Variants in AURKC observed in about 807,000 individuals in gnomAD.
AURKC encodes the protein ARK-3.
AURKC carries 15 observed loss-of-function variants against 29.2 expected under a neutral mutation model. The ratio of observed to expected loss-of-function variants is 0.51; its 90% CI spans 0.34 to 0.79. The LOEUF (loss-of-function observed/expected upper bound fraction) is 0.79. Among genes scored for constraint, AURKC ranks in the 30% least tolerant of loss-of-function variants. The probability of loss-of-function intolerance (pLI) is 0.01; values close to 1 mark genes in which losing one functional copy is unlikely to be tolerated. For missense variants in AURKC, 332 were observed against 383.2 expected, an observed-to-expected ratio of 0.87 and a Z score of 1.12; for synonymous variants, 150 against 149.9, an observed-to-expected ratio of 1.00 and a Z score of -0.01.
At position 57,231,204 on chromosome 19, in the gene AURKC, T is replaced by G. The variant is rs1004285802; in HGVS notation, c.-45T>G. On this transcript the variant is annotated 5_prime_UTR_variant, in exon 1 of 7. Transcript: ENST00000302804. ...AGGACCCTGTGAACGGGAACAGCCA[T>G]CCAGAGGGTTCAGGAAGGCGTCCGC... is the stretch of plus-strand genomic sequence containing the variant. The G allele has an allele frequency of 1.6e-5, 25 of 1,551,046 alleles. No individual in the cohort carries two copies. The African/African-American group carries it at 2.7e-4, about 17-fold the overall frequency.
Position 57,234,864 on chromosome 19 carries a change from C to G in AURKC, c.585-20C>G. ...CTGGGCCTCTGCTTAGTACTTATTC[C>G]CTTTTCTGCCTTCCTCTAGGAGGAA... On this transcript the variant is annotated intron_variant, in intron 5 of 6. Transcript: ENST00000302804. 1.2e-6 allele frequency: 2 copies of G among 1,614,074 alleles called. No individual in the cohort carries two copies. Among genetic ancestry groups the G allele is most frequent in the East Asian group, 4.5e-5 (2 of 44,886 alleles).
Position 57,232,468 on chromosome 19 carries a change from G to A in AURKC, c.297-74G>A. ...TCCCAGCATAATTTGCCACTTGTGT[G>A]ACCAGGCAGTGACGGTGGCATCATA... On this transcript the variant is annotated intron_variant, in intron 3 of 6. Transcript: ENST00000302804. This position sits in a 1 kb window ranked among gnomAD's most constrained non-coding sequence, Gnocchi z 4.5. The A allele has an allele frequency of 6.2e-7, 1 of 1,608,384 alleles. No individual in the cohort carries two copies. The highest frequency in any genetic ancestry group is 8.5e-7 in the Non-Finnish European group (1 of 1,176,634).
rs1474309579 is a variant in AURKC, at chr19:57,231,155, A to G, written c.-94A>G. On this transcript the variant is annotated 5_prime_UTR_variant, in exon 1 of 7. Coordinates refer to ENST00000302804, the MANE Select transcript of AURKC (RefSeq NM_001015878.2). ...GAGCAGGATTGGAAGCGCCCCGGCC[A>G]GAAAGTGACCCCCCACCCCTTTCAG... 18 of 1,519,024 alleles carry G rather than the reference A, an allele frequency of 1.2e-5. No homozygotes were observed. The highest frequency in any genetic ancestry group is 1.5e-5 in the Non-Finnish European group (17 of 1,119,054). The allele number at this position is 1,519,024 out of a possible 1,614,324, so 94.1% of individuals were successfully genotyped here.
At chr19:57,231,662 G>A in intron 1 of AURKC, 80 bp from the exon 2 acceptor site, 1 of 1,508,392 alleles carries the variant, frequency 6.6e-7, no homozygotes. Context: ...CTTCTCTACT[G>A]TTCTCCTCTC....
chr19:57,231,058 A>C lies in AURKC; in HGVS notation c.-191A>C. On this transcript the variant is annotated 5_prime_UTR_variant, in exon 1 of 7. Coordinates refer to ENST00000302804, the MANE Select transcript of AURKC (RefSeq NM_001015878.2). ...TGCCGGGTATAAAAGAAGGCCGCGC[A>C]GCCACGGCTGCTCACGACGCCGCGG... 1 of 1,368,970 alleles carries C rather than the reference A, an allele frequency of 7.3e-7. No homozygotes were observed. Among genetic ancestry groups the C allele is most frequent in the East Asian group, 2.5e-5 (1 of 40,304 alleles). The allele number at this position is 1,368,970 out of a possible 1,614,324, so 84.8% of individuals were successfully genotyped here.
rs767043812 is a variant in AURKC at position 57,232,024 on chromosome 19, T to TC, written c.105-7dup. 2 of 1,613,910 alleles carry TC rather than the reference T, an allele frequency of 1.2e-6. No individual in the cohort carries two copies. Among genetic ancestry groups the TC allele is most frequent in the African/African-American group, 2.7e-5 (2 of 74,880 alleles). On this transcript the variant is annotated splice_polypyrimidine_tract_variant and intron_variant, in intron 2 of 6. Coordinates refer to ENST00000302804, the MANE Select transcript of AURKC (RefSeq NM_001015878.2). The surrounding 1 kb of genome is among the most constrained non-coding windows in gnomAD (Gnocchi z 4.5). ...CCAAGCTGAGGCTTTTTTCTTCCTC[T>TC]CCTGTCAGGCGGCGCCTCACAGTCG...
Position 57,231,059 on chromosome 19 carries a change from G to A in AURKC, c.-190G>A. 1 of 1,379,830 alleles carries A rather than the reference G, an allele frequency of 7.2e-7. No homozygotes were observed. The highest frequency in any genetic ancestry group is 1.2e-5 in the South Asian group (1 of 80,494). 85.5% of individuals were successfully genotyped at this position (1,379,830 alleles called of 1,614,324 possible). On this transcript the variant is annotated 5_prime_UTR_variant, in exon 1 of 7. Transcript: ENST00000302804. Reference sequence around the variant, plus strand: ...GCCGGGTATAAAAGAAGGCCGCGCAGCCACGGCTGCTCACGACGCCGCGGA... The same window carrying A: ...GCCGGGTATAAAAGAAGGCCGCGCAACCACGGCTGCTCACGACGCCGCGGA...
chr19:57,231,854 G>A, intron 2 of AURKC, 67 bp downstream of exon 2: 1 of 1,613,436 alleles, frequency 6.2e-7, no homozygotes, highest in Non-Finnish European at 8.5e-7. Flanking sequence ...AGAACAGACT[G>A]GGTGTGTGGG....
chr19:57,235,489 A>G lies in AURKC; in HGVS notation c.*72A>G. 1 of 1,573,626 alleles carries G rather than the reference A, an allele frequency of 6.4e-7. No homozygotes were observed. The highest frequency in any genetic ancestry group is 1.1e-5 in the South Asian group (1 of 90,200). Reference sequence around the variant, plus strand: ...TGGCTCTGCCACCTCATTTGTCTTTATTTTTTTCTCTTTTAAGATGTAAGA... The same window carrying G: ...TGGCTCTGCCACCTCATTTGTCTTTGTTTTTTTCTCTTTTAAGATGTAAGA... On this transcript the variant is annotated 3_prime_UTR_variant, in exon 7 of 7. Coordinates refer to ENST00000302804, the MANE Select transcript of AURKC (RefSeq NM_001015878.2).
Position 57,233,704 on chromosome 19 carries a change from C to T in AURKC, c.584+96C>T, listed in dbSNP as rs555870605. 9.4e-5 allele frequency: 145 copies of T among 1,540,962 alleles called. 1 individual carries two copies. The highest frequency in any genetic ancestry group is 7.9e-4 in the East Asian group (35 of 44,568). ...TGTGTCCATGTGTAAAACCTAGATA[C>T]GAACTTGGGGTTTCTATTGGAATAC... On this transcript the variant is annotated intron_variant, in intron 5 of 6. Coordinates refer to ENST00000302804, the MANE Select transcript of AURKC (RefSeq NM_001015878.2).
chr19:57,233,602 C>G lies in AURKC; in HGVS notation c.578C>G (p.Ser193Cys), dbSNP rs1292898721. Reference protein sequence around the residue: ...ADFGWSVHTPSLRRKTMCGTL... With the variant: ...ADFGWSVHTPCLRRKTMCGTL... ...TTTGGCTGGTCTGTGCACACCCCCT[C>G]CCTGAGGTAGGTCAGGTGGTGGTGG... The change falls in exon 5 of 7, where the codon TCC (serine) becomes TGC (cysteine). Residue 193 changes from serine to cysteine, a missense_variant. Physicochemically the swap from Ser to Cys is moderately radical, Grantham distance 112 (BLOSUM62 -1). Transcript: ENST00000302804. The G allele has an allele frequency of 6.2e-7, 1 of 1,613,712 alleles. No individual in the cohort carries two copies.
intron 5 of AURKC, 98 bp from the exon 6 acceptor site, chr19:57,234,786 T>C: frequency 6.8e-7 from 1 of 1,464,660 alleles, no homozygotes; most frequent in Middle Eastern, 1.9e-4. Context: ...TTCCAGGGTG[T>C]CCTAGGGTCT....
In AURKC at chr19:57,233,448, T is replaced by G. The variant is rs1347358095; in HGVS notation, c.436-12T>G. Reference sequence around the variant, plus strand: ...GCTTCACTTCCAGGGTGACTTTTCTTTGCACCCACAGATAATAGAGGAGTT... The same window carrying G: ...GCTTCACTTCCAGGGTGACTTTTCTGTGCACCCACAGATAATAGAGGAGTT... On this transcript the variant is annotated splice_polypyrimidine_tract_variant and intron_variant, in intron 4 of 6. Transcript: ENST00000302804. 1 of 1,614,034 alleles carries G rather than the reference T, an allele frequency of 6.2e-7. No homozygotes were observed. Among genetic ancestry groups the G allele is most frequent in the Non-Finnish European group, 8.5e-7 (1 of 1,180,026 alleles).
At chr19:57,231,549 ACT>A (rs1489865238) in intron 1 of AURKC, 191 bp from the exon 2 acceptor site, 9 of 711,804 alleles carry the variant, frequency 1.3e-5, no homozygotes, top group African/African-American at 4.5e-5. Flanking sequence ...ACCTTACCTT[ACT>A]CTTTCTTCTT....
In AURKC at chr19:57,233,482, C is replaced by G; in HGVS notation, c.458C>G (p.Ala153Gly). The change falls in exon 5 of 7, where the codon GCC (alanine) becomes GGC (glycine). Residue 153 changes from alanine (A) to glycine (G), a missense_variant. Ala to Gly is a moderately conservative substitution (Grantham distance 60). Coordinates refer to ENST00000302804, the MANE Select transcript of AURKC (RefSeq NM_001015878.2). Reference sequence around the variant, plus strand: ...CAGATAATAGAGGAGTTGGCAGATGCCCTGACCTACTGCCATGACAAGAAA... The same window carrying G: ...CAGATAATAGAGGAGTTGGCAGATGGCCTGACCTACTGCCATGACAAGAAA... ...TATIIEELAD[A>G]LTYCHDKKVI... is the part of the protein sequence containing the mutation. 1 of 1,614,176 alleles carries G rather than the reference C, an allele frequency of 6.2e-7. No individual in the cohort carries two copies. Among genetic ancestry groups the G allele is most frequent in the Non-Finnish European group, 8.5e-7 (1 of 1,180,028 alleles).
rs779269368 is a variant in AURKC at position 57,232,658 on chromosome 19, T to C, written c.413T>C (p.Leu138Ser). The C allele has an allele frequency of 1.4e-5, 23 of 1,613,740 alleles. No individual in the cohort carries two copies. The highest frequency in any genetic ancestry group is 5.0e-5 in the Admixed American group (3 of 59,988). Residue 138 changes from leucine to serine, a missense_variant, in exon 4 of 7, where the codon TTA becomes TCA. Physicochemically the swap from Leu to Ser is moderately radical, Grantham distance 145 (BLOSUM62 -2). Transcript: ENST00000302804. This position sits in a 1 kb window ranked among gnomAD's most constrained non-coding sequence, Gnocchi z 4.5. ...AAGGAGCTGCAGAAAAGCGAGAAATTAGATGAACAGCGCACAGCCACGGTG... is the reference window on the plus strand; with the variant it reads ...AAGGAGCTGCAGAAAAGCGAGAAATCAGATGAACAGCGCACAGCCACGGTG... ...LYKELQKSEK[L>S]DEQRTATIIE... is the part of the protein sequence containing the mutation.
rs191368201 is a variant in AURKC at position 57,233,092 on chromosome 19, A to G, written c.436-368A>G. Among the ~76,000 whole-genome samples the G allele has an allele frequency of 1.0e-3, 157 of 152,350 alleles. No individual in the cohort carries two copies. In the Middle Eastern group the frequency reaches 0.017, roughly 17 times the overall value. On this transcript the variant is annotated intron_variant, in intron 4 of 6. Coordinates refer to ENST00000302804, the MANE Select transcript of AURKC (RefSeq NM_001015878.2). ...TGATTTTCCCAGGAGCAATGGTCCA[A>G]TCAGCTTGCTGTGTCAGGATGAGTG... is the stretch of plus-strand genomic sequence containing the variant.
At chr19:57,231,950 G>T (rs878900212) in intron 2 of AURKC, 83 bp from the exon 3 acceptor site, 1 of 1,603,004 alleles carries the variant, frequency 6.2e-7, no homozygotes, top group Non-Finnish European at 8.5e-7. Context: ...CAATGAAAGA[G>T]GAAGGGGAGC....
At position 57,232,745 on chromosome 19, in the gene AURKC, T is replaced by G; in HGVS notation, c.435+65T>G. 1 of 1,608,500 alleles carries G rather than the reference T, an allele frequency of 6.2e-7. No individual in the cohort carries two copies. The highest frequency in any genetic ancestry group is 8.5e-7 in the Non-Finnish European group (1 of 1,177,834). On this transcript the variant is annotated intron_variant, in intron 4 of 6. Coordinates refer to ENST00000302804, the MANE Select transcript of AURKC (RefSeq NM_001015878.2). This position sits in a 1 kb window ranked among gnomAD's most constrained non-coding sequence, Gnocchi z 4.5. ...ACTGTGGGCTGGTGGGAGCTCTGTT[T>G]GTGGCTGTCAGGAGGGTCCGCATTG...
Sources: allele counts gnomAD v4.1 joint callset (sites outside exome capture counted in the v4.1 genomes callset), GRCh38; gene constraint gnomAD v4.1.1; non-coding constraint Gnocchi (gnomAD v3.1); transcripts MANE v1.5; gene names NCBI Gene and HGNC (gene_info 2026-07-23, HGNC 2026-07-21).